CTDSPL: variants seen among roughly 807,000 people sequenced by gnomAD.
CTDSPL encodes the protein CTD small phosphatase-like protein.
Under a neutral mutation model 30.5 loss-of-function variants are expected in CTDSPL, and 8 were observed. The observed-to-expected ratio is 0.26, with a 90% confidence interval of 0.15 to 0.47. The LOEUF is 0.47. CTDSPL is among the 20% of genes least tolerant of loss of function. The probability of loss-of-function intolerance (pLI) is 0.99; values close to 1 mark genes in which losing one functional copy is unlikely to be tolerated. For synonymous variants in CTDSPL, 110 were observed against 137.9 expected (o/e 0.80, Z 1.42); for missense variants, 248 against 366.1 (o/e 0.68, Z 2.63).
At chr3:37,979,641 A>G (rs981341323) in intron 7 of CTDSPL, among the ~76,000 whole-genome samples, 2 of 151,970 alleles carry the variant, frequency 1.3e-5, no homozygotes, top group African/African-American at 4.8e-5. Flanking sequence ...CCACATGCCT[A>G]TAGTCCCAGC....
chr3:37,877,474 T>G (rs1419199504), intron 1 of CTDSPL, among the ~76,000 whole-genome samples: 1 of 152,248 alleles, frequency 6.6e-6, no homozygotes, highest in Non-Finnish European at 1.5e-5. Flanking sequence ...TGTGTATGTA[T>G]GCCACCTTTG....
At chr3:37,915,507 G>T (rs573602651) in intron 1 of CTDSPL, among the ~76,000 whole-genome samples, 1 of 151,942 alleles carries the variant, frequency 6.6e-6, no homozygotes, top group African/African-American at 2.4e-5. Context: ...TTTCAAACTA[G>T]ATATTTGCTT....
chr3:37,917,235 G>T (rs1698659617), intron 1 of CTDSPL, among the ~76,000 whole-genome samples: 1 of 152,170 alleles, frequency 6.6e-6, no homozygotes, highest in Admixed American at 6.6e-5. Flanking sequence ...ACAAAGCAAG[G>T]ACTCAGTCCC....
At chr3:37,947,571 A>C (rs1232715024) in intron 2 of CTDSPL, among the ~76,000 whole-genome samples, 1 of 152,222 alleles carries the variant, frequency 6.6e-6, no homozygotes, top group African/African-American at 2.4e-5. Flanking sequence ...AAAAACAAAA[A>C]ACAAAAAGAA....
At chr3:37,944,016 G>A (rs1040845851) in intron 1 of CTDSPL, among the ~76,000 whole-genome samples, 3 of 150,308 alleles carry the variant, frequency 2.0e-5, no homozygotes, top group African/African-American at 4.8e-5. Context: ...GAACACTGCT[G>A]TTGCCTGGTT....
intron 2 of CTDSPL, among the ~76,000 whole-genome samples, 172 bp downstream of exon 2, chr3:37,947,383 A>T (rs1699052038): frequency 6.6e-6 from 1 of 152,050 alleles, no homozygotes; most frequent in African/African-American, 2.4e-5. Context: ...ATATAGTGAA[A>T]CCCCATCTCT....
At position 37,868,460 on chromosome 3, in the gene CTDSPL, G is replaced by A. The variant is rs1305339626; in HGVS notation, c.79+6182G>A. ...ATTTCCTTTTATTGATTGTGCTTTTGGTGTCAAATCTAAGAACTCTCTGCC... is the reference window on the plus strand; with the variant it reads ...ATTTCCTTTTATTGATTGTGCTTTTAGTGTCAAATCTAAGAACTCTCTGCC... On this transcript the variant is annotated intron_variant, in intron 1 of 7. Transcript: ENST00000273179. Among the ~76,000 whole-genome samples the A allele has an allele frequency of 9.9e-5, 15 of 151,734 alleles. No individual in the cohort carries two copies. The East Asian group carries it at 2.9e-3, about 29-fold the overall frequency.
chr3:37,925,887 T>C (rs2125612666), intron 1 of CTDSPL, among the ~76,000 whole-genome samples: 1 of 152,296 alleles, frequency 6.6e-6, no homozygotes, highest in Admixed American at 6.5e-5. Context: ...TCTTCCCTGC[T>C]TTGCTTTGAT....
In CTDSPL at chr3:37,984,380, C is replaced by A; in HGVS notation, c.*3513C>A. The A allele has an allele frequency of 2.2e-6, 1 of 444,794 alleles. No homozygotes were observed. The highest frequency in any genetic ancestry group is 4.6e-6 in the Non-Finnish European group (1 of 218,050). 27.6% of individuals were successfully genotyped at this position (444,794 alleles called of 1,614,324 possible). On this transcript the variant is annotated 3_prime_UTR_variant, in exon 8 of 8. Coordinates refer to ENST00000273179, the MANE Select transcript of CTDSPL (RefSeq NM_001008392.2). ...AGCATTACTTAGGAAATGCTACATGCGGAATGTGCACGTTTCCAGGGGCGA... is the reference window on the plus strand; with the variant it reads ...AGCATTACTTAGGAAATGCTACATGAGGAATGTGCACGTTTCCAGGGGCGA...
At chr3:37,938,679 G>T (rs28592702) in intron 1 of CTDSPL, among the ~76,000 whole-genome samples, 10,298 of 143,514 alleles carry the variant, frequency 0.072, 946 homozygotes, top group African/African-American at 0.17. Flanking sequence ...TTTTTTGTGG[G>T]TTTTTTTTTT....
At chr3:37,926,224 A>G (rs1698780286) in intron 1 of CTDSPL, among the ~76,000 whole-genome samples, 1 of 152,164 alleles carries the variant, frequency 6.6e-6, no homozygotes, top group Non-Finnish European at 1.5e-5. Flanking sequence ...AAGTGGGGCA[A>G]ATACTAGCAG....
intron 1 of CTDSPL, among the ~76,000 whole-genome samples, chr3:37,868,512 C>G (rs191422776): frequency 6.6e-6 from 1 of 152,076 alleles, no homozygotes; most frequent in Non-Finnish European, 1.5e-5. Flanking sequence ...AGGTTTTCTC[C>G]TACGCTTTTT....
intron 2 of CTDSPL, among the ~76,000 whole-genome samples, chr3:37,949,783 C>T (rs1699087259): frequency 6.6e-6 from 1 of 152,220 alleles, no homozygotes; most frequent in African/African-American, 2.4e-5. Context: ...GCAGATGGCT[C>T]TATTAAAATT....
At chr3:37,980,393 G>A (rs774916426) in intron 7 of CTDSPL, among the ~76,000 whole-genome samples, 1 of 152,214 alleles carries the variant, frequency 6.6e-6, no homozygotes, top group African/African-American at 2.4e-5. Context: ...GAGGTGCAAG[G>A]AACCGATCTT....
At chr3:37,969,341 C>A in intron 5 of CTDSPL, 1 of 486,520 alleles carries the variant, frequency 2.1e-6, no homozygotes, top group East Asian at 6.1e-5. Context: ...GTCAGAAATT[C>A]TCTCCCGAGG....
intron 1 of CTDSPL, among the ~76,000 whole-genome samples, chr3:37,876,422 A>T (rs919075205): frequency 5.3e-5 from 8 of 151,986 alleles, no homozygotes; most frequent in African/African-American, 1.7e-4. Context: ...TACCATTTTG[A>T]CTCCCACCAG....
chr3:37,941,261 G>A (rs1698974514), intron 1 of CTDSPL, among the ~76,000 whole-genome samples: 1 of 149,978 alleles, frequency 6.7e-6, no homozygotes, highest in African/African-American at 2.4e-5. Context: ...CTCCACCCGA[G>A]TTTGTGCACA....
At chr3:37,951,576 G>A (rs1699108771) in intron 2 of CTDSPL, among the ~76,000 whole-genome samples, 1 of 152,064 alleles carries the variant, frequency 6.6e-6, no homozygotes, top group South Asian at 2.1e-4. Flanking sequence ...AGCTACTCTG[G>A]AGACTGAAGT....
Position 37,982,233 on chromosome 3 carries a change from C to T in CTDSPL, c.*1366C>T. ...TTCTCCTTTGAAGCACAGCCTATTT[C>T]TGAGCCAAGGGTTGGGGAAGCCTGT... is the stretch of plus-strand genomic sequence containing the variant. On this transcript the variant is annotated 3_prime_UTR_variant, in exon 8 of 8. Coordinates refer to ENST00000273179, the MANE Select transcript of CTDSPL (RefSeq NM_001008392.2). 3.2e-6 allele frequency: 1 copy of T among 315,324 alleles called. No homozygotes were observed. Among genetic ancestry groups the T allele is most frequent in the Non-Finnish European group, 6.3e-6 (1 of 159,694 alleles). The allele number at this position is 315,324 out of a possible 1,614,324, so 19.5% of individuals were successfully genotyped here.
Sources: gnomAD v4.1 joint callset for allele counts (sites outside exome capture counted in the v4.1 genomes callset) on GRCh38, gnomAD v4.1.1 for gene constraint, MANE v1.5 for transcripts, NCBI Gene and HGNC (gene_info 2026-07-23, HGNC 2026-07-21) for gene names.